Variants in NR1H4 observed in about 807,000 individuals in gnomAD.
NR1H4 encodes bile acid receptor.
Under a neutral mutation model 58.5 loss-of-function variants are expected in NR1H4, and 23 were observed. The observed-to-expected ratio is 0.39, with a 90% CI of 0.28 to 0.56. The LOEUF is 0.56. Ranked by LOEUF, NR1H4 falls within the 20% of genes least tolerant of loss-of-function variation. The probability of loss-of-function intolerance (pLI) is 0.58; values close to 1 mark genes in which losing one functional copy is unlikely to be tolerated. For missense variants in NR1H4, 487 were observed against 576.9 expected (o/e 0.84, Z 1.60); for synonymous variants, 214 against 198.0 (o/e 1.08, Z -0.68).
intron 9 of NR1H4, among the ~76,000 whole-genome samples, chr12:100,550,004 C>G (rs1955168606): frequency 6.6e-6 from 1 of 152,060 alleles, no homozygotes; most frequent in Non-Finnish European, 1.5e-5. Flanking sequence ...CTGTTTATGC[C>G]TATGCAACTC....
chr12:100,523,420 T>C (rs567787706), intron 4 of NR1H4, among the ~76,000 whole-genome samples: 31 of 152,282 alleles, frequency 2.0e-4, no homozygotes, highest in Non-Finnish European at 4.1e-4. Context: ...TTTCCCTTGC[T>C]GATTTATTGA....
intron 4 of NR1H4, among the ~76,000 whole-genome samples, chr12:100,515,872 G>A (rs1363820735): frequency 6.6e-6 from 1 of 152,162 alleles, no homozygotes; most frequent in Non-Finnish European, 1.5e-5. Context: ...TGTCTGTGTA[G>A]ACCAGTGCTA....
intron 4 of NR1H4, among the ~76,000 whole-genome samples, chr12:100,524,702 T>C (rs11110411): frequency 0.17 from 25,982 of 152,126 alleles, 5,006 homozygotes; most frequent in East Asian, 0.45. Context: ...AAAGCCCCAC[T>C]CCTACCCTCT....
chr12:100,524,122 G>GA (rs1452021102), intron 4 of NR1H4, among the ~76,000 whole-genome samples: 1 of 152,092 alleles, frequency 6.6e-6, no homozygotes, highest in African/African-American at 2.4e-5. Context: ...ATTTAAACAA[G>GA]AAAAAATGTT....
At chr12:100,480,051 C>T (rs952560115) in intron 1 of NR1H4, among the ~76,000 whole-genome samples, 1 of 152,230 alleles carries the variant, frequency 6.6e-6, no homozygotes, top group Non-Finnish European at 1.5e-5. Context: ...GTATTATTCA[C>T]TTATCCCTCT....
At chr12:100,543,866 A>C (rs935444990) in intron 9 of NR1H4, among the ~76,000 whole-genome samples, 1 of 152,152 alleles carries the variant, frequency 6.6e-6, no homozygotes, top group East Asian at 1.9e-4. Flanking sequence ...CTCTTTATGC[A>C]GAAAACTACA....
intron 1 of NR1H4, among the ~76,000 whole-genome samples, chr12:100,482,736 A>G (rs1472102558): frequency 6.6e-6 from 1 of 152,134 alleles, no homozygotes; most frequent in Non-Finnish European, 1.5e-5. Flanking sequence ...TAGGCAAGTG[A>G]GGCACTGAGG....
chr12:100,481,511 C>T (rs1161906771), intron 1 of NR1H4, among the ~76,000 whole-genome samples: 1 of 152,172 alleles, frequency 6.6e-6, no homozygotes, highest in Non-Finnish European at 1.5e-5. Context: ...TGGTGGCTCA[C>T]TCCTGTAATC....
intron 4 of NR1H4, among the ~76,000 whole-genome samples, chr12:100,515,880 C>G (rs1593079721): frequency 6.6e-6 from 1 of 152,164 alleles, no homozygotes; most frequent in Admixed American, 6.5e-5. Flanking sequence ...TAGACCAGTG[C>G]TACTCAAAGC....
intron 3 of NR1H4, chr12:100,499,799 A>G (rs1953793481): frequency 2.2e-6 from 1 of 454,918 alleles, no homozygotes; most frequent in African/African-American, 2.0e-5. Context: ...TGAGTGCTTT[A>G]TAGAAATTAA....
chr12:100,545,102 T>C (rs1593120514), intron 9 of NR1H4, among the ~76,000 whole-genome samples: 1 of 152,106 alleles, frequency 6.6e-6, no homozygotes, highest in African/African-American at 2.4e-5. Context: ...TCTGTCTCTT[T>C]TTCTCTCCTG....
chr12:100,518,231 C>T (rs1954316740), intron 4 of NR1H4, among the ~76,000 whole-genome samples: 1 of 152,258 alleles, frequency 6.6e-6, no homozygotes, highest in Non-Finnish European at 1.5e-5. Context: ...GGGCCAAGGA[C>T]AACCCTGGAA....
Position 100,545,654 on chromosome 12 carries a change from A to AAAAAAAAAC in NR1H4, c.1078+4844_1078+4845insCAAAAAAAA, listed in dbSNP as rs1565777328. Among the ~76,000 whole-genome samples the AAAAAAAAAC allele has an allele frequency of 8.2e-5, 12 of 146,634 alleles. 1 individual carries two copies. Among genetic ancestry groups the AAAAAAAAAC allele is most frequent in the African/African-American group, 2.9e-4 (11 of 38,188 alleles). ...GAGACCTTGTCTCAAAAAAAAAAAA[A>AAAAAAAAAC]AAAAAAAAAAAAAAACCAAACGGGG... On this transcript the variant is annotated intron_variant, in intron 9 of 10. Coordinates refer to ENST00000392986, the MANE Select transcript of NR1H4 (RefSeq NM_001206979.2).
At chr12:100,546,093 G>C (rs1035575577) in intron 9 of NR1H4, among the ~76,000 whole-genome samples, 1 of 152,140 alleles carries the variant, frequency 6.6e-6, no homozygotes, top group African/African-American at 2.4e-5. Context: ...CAAGACTGGT[G>C]AAAGTGTGTC....
Position 100,492,273 on chromosome 12 carries a change from A to G in NR1H4, c.-189-230A>G, listed in dbSNP as rs565623318. ...TGGTGAGTGAGAGAGAAAGAGAGAT[A>G]CGAATAATGGGGAAATCCTAATGAA... is the stretch of plus-strand genomic sequence containing the variant. On this transcript the variant is annotated intron_variant, in intron 1 of 10. Transcript: ENST00000392986. Among the ~76,000 whole-genome samples the G allele has an allele frequency of 2.0e-5, 3 of 152,300 alleles. No individual in the cohort carries two copies. The South Asian group carries it at 6.2e-4, about 32-fold the overall frequency.
intron 9 of NR1H4, among the ~76,000 whole-genome samples, chr12:100,549,167 T>A (rs751124245): frequency 6.6e-6 from 1 of 152,004 alleles, no homozygotes; most frequent in Non-Finnish European, 1.5e-5. Flanking sequence ...TGAAACCCCA[T>A]CCCTACTAAA....
In NR1H4 at chr12:100,563,611, T is replaced by A; in HGVS notation, c.*122T>A. On this transcript the variant is annotated 3_prime_UTR_variant, in exon 11 of 11. Transcript: ENST00000392986. Reference sequence around the variant, plus strand: ...GAAATCTTGATGAATATTTATGTTGTAATTACATGTGTAACTTCCACAACT... The same window carrying A: ...GAAATCTTGATGAATATTTATGTTGAAATTACATGTGTAACTTCCACAACT... The A allele has an allele frequency of 1.2e-6, 1 of 811,036 alleles. No individual in the cohort carries two copies. Among genetic ancestry groups the A allele is most frequent in the Non-Finnish European group, 2.1e-6 (1 of 468,596 alleles). 50.2% of individuals were successfully genotyped at this position (811,036 alleles called of 1,614,324 possible).
intron 3 of NR1H4, chr12:100,503,409 T>A (rs1200076073): frequency 1.3e-6 from 2 of 1,597,294 alleles, no homozygotes; most frequent in Non-Finnish European, 1.7e-6. Context: ...GTTTCAGGGG[T>A]TAGAAAATCC....
intron 4 of NR1H4, among the ~76,000 whole-genome samples, chr12:100,525,915 T>A (rs1954544039): frequency 6.6e-6 from 1 of 152,168 alleles, no homozygotes; most frequent in Admixed American, 6.5e-5. Flanking sequence ...GGCTTGGAGT[T>A]GTTCATATTT....
Sources: allele counts gnomAD v4.1 joint callset (sites outside exome capture counted in the v4.1 genomes callset), GRCh38; gene constraint gnomAD v4.1.1; transcripts MANE v1.5; gene names NCBI Gene and HGNC (gene_info 2026-07-23, HGNC 2026-07-21).